Variants in MEI4 observed in about 807,000 individuals in gnomAD.
The protein encoded by MEI4 is meiotic double-stranded break formation protein 4, also known as meiosis-specific protein MEI4.
MEI4 carries 27 observed loss-of-function variants against 31.4 expected under a neutral mutation model. That is an observed-to-expected ratio of 0.86 (90% CI 0.63 to 1.19). The LOEUF is 1.19. Ranked by LOEUF, MEI4 falls within the 50% of genes most tolerant of loss-of-function variation. MEI4 has a pLI of 0.00. For synonymous variants in MEI4, 122 were observed against 145.4 expected, an observed-to-expected ratio of 0.84 and a Z score of 1.16; for missense variants, 329 against 398.9, an observed-to-expected ratio of 0.82 and a Z score of 1.49.
intron 4 of MEI4, among the ~76,000 whole-genome samples, chr6:77,884,531 T>G: frequency 6.6e-6 from 1 of 152,228 alleles, no homozygotes; most frequent in African/African-American, 2.4e-5. Context: ...GATTTTTATA[T>G]ATCATGAGAG....
At chr6:77,911,247 C>T (rs966177084) in intron 4 of MEI4, among the ~76,000 whole-genome samples, 2 of 152,102 alleles carry the variant, frequency 1.3e-5, no homozygotes, top group African/African-American at 4.8e-5. Context: ...GTTTCCTTTG[C>T]TATGCAGAAT....
intron 3 of MEI4, among the ~76,000 whole-genome samples, chr6:77,782,402 T>C (rs1032331229): frequency 6.6e-6 from 1 of 152,202 alleles, no homozygotes; most frequent in African/African-American, 2.4e-5. Flanking sequence ...GTTATTGTTA[T>C]ATAAAAAATT....
At chr6:77,802,841 G>T (rs898417085) in intron 3 of MEI4, among the ~76,000 whole-genome samples, 1 of 152,190 alleles carries the variant, frequency 6.6e-6, no homozygotes, top group African/African-American at 2.4e-5. Context: ...TGAGACATCA[G>T]CTGTTAGTCT....
intron 1 of MEI4, among the ~76,000 whole-genome samples, chr6:77,674,865 T>C (rs1768811940): frequency 6.6e-6 from 1 of 152,154 alleles, no homozygotes; most frequent in African/African-American, 2.4e-5. Flanking sequence ...TTCTTTATAC[T>C]TTGTCTACAT....
chr6:77,674,030 AAG>A (rs1768795905), intron 1 of MEI4, among the ~76,000 whole-genome samples: 2 of 152,206 alleles, frequency 1.3e-5, no homozygotes, highest in South Asian at 2.1e-4. Context: ...ATGTGGAAGA[AAG>A]AGAGTTCAGA....
At chr6:77,888,326 TC>T (rs1374766745) in intron 4 of MEI4, among the ~76,000 whole-genome samples, 4 of 125,042 alleles carry the variant, frequency 3.2e-5, no homozygotes, top group Non-Finnish European at 6.6e-5. Flanking sequence ...TTTTTGTATA[TC>T]CTTTTTCTTT....
At chr6:77,700,130 G>T (rs1240499011) in intron 2 of MEI4, among the ~76,000 whole-genome samples, 1 of 152,208 alleles carries the variant, frequency 6.6e-6, no homozygotes, top group Non-Finnish European at 1.5e-5. Context: ...GTTGTCAGCA[G>T]GGATATTTAA....
At chr6:77,883,159 G>A (rs1338047985) in intron 4 of MEI4, among the ~76,000 whole-genome samples, 1 of 151,986 alleles carries the variant, frequency 6.6e-6, no homozygotes, top group Non-Finnish European at 1.5e-5. Flanking sequence ...GATGAGAAGA[G>A]CTTTTTTAGT....
At chr6:77,742,059 G>A (rs1056506690) in intron 2 of MEI4, among the ~76,000 whole-genome samples, 1 of 151,914 alleles carries the variant, frequency 6.6e-6, no homozygotes, top group African/African-American at 2.4e-5. Context: ...TTGCTATTGT[G>A]AATAGTGCCA....
At chr6:77,787,195 T>C (rs1768760458) in intron 3 of MEI4, among the ~76,000 whole-genome samples, 1 of 152,174 alleles carries the variant, frequency 6.6e-6, no homozygotes, top group African/African-American at 2.4e-5. Context: ...TAAGCCATGT[T>C]CTTTAGCCGG....
At chr6:77,699,428 G>A (rs1188677612) in intron 2 of MEI4, among the ~76,000 whole-genome samples, 3 of 151,876 alleles carry the variant, frequency 2.0e-5, no homozygotes, top group Non-Finnish European at 2.9e-5. Context: ...TCCTGACCTC[G>A]TGATCCGCCC....
chr6:77,788,870 A>G (rs992599977), intron 3 of MEI4, among the ~76,000 whole-genome samples: 10 of 152,218 alleles, frequency 6.6e-5, no homozygotes, highest in Non-Finnish European at 1.5e-4. Flanking sequence ...ATCTAGCTAC[A>G]AGTGACTTTC....
chr6:77,802,938 C>G (rs1262158985), intron 3 of MEI4, among the ~76,000 whole-genome samples: 1 of 152,088 alleles, frequency 6.6e-6, no homozygotes, highest in South Asian at 2.1e-4. Context: ...GTGAATCTTA[C>G]AATTATGTGT....
intron 3 of MEI4, among the ~76,000 whole-genome samples, chr6:77,809,310 T>C (rs970974877): frequency 3.3e-5 from 5 of 152,150 alleles, no homozygotes; most frequent in African/African-American, 9.7e-5. Flanking sequence ...TTTAAGGAAG[T>C]CATTGTGACC....
intron 2 of MEI4, among the ~76,000 whole-genome samples, chr6:77,734,153 G>GCA (rs1767105223): frequency 6.6e-6 from 1 of 151,928 alleles, no homozygotes; most frequent in African/African-American, 2.4e-5. Context: ...TCCGCTTGGT[G>GCA]CAGAGCTGAG....
chr6:77,808,466 T>C (rs1239576893), intron 3 of MEI4, among the ~76,000 whole-genome samples: 1 of 152,054 alleles, frequency 6.6e-6, no homozygotes, highest in African/African-American at 2.4e-5. Flanking sequence ...AGACCCTCAA[T>C]GTCAAGAAGT....
intron 2 of MEI4, among the ~76,000 whole-genome samples, chr6:77,744,562 AGAACTTCCCC>A: frequency 6.6e-6 from 1 of 152,324 alleles, no homozygotes; most frequent in South Asian, 2.1e-4. Context: ...ATTATCCAGG[AGAACTTCCCC>A]AATCTAGCAA....
intron 2 of MEI4, among the ~76,000 whole-genome samples, chr6:77,737,395 T>G (rs1767279369): frequency 6.6e-6 from 1 of 152,086 alleles, no homozygotes; most frequent in African/African-American, 2.4e-5. Flanking sequence ...TTTAAAAGAT[T>G]TTTAGTTGTT....
intron 2 of MEI4, among the ~76,000 whole-genome samples, chr6:77,754,566 G>A (rs1308418654): frequency 2.0e-5 from 3 of 152,162 alleles, no homozygotes; most frequent in African/African-American, 4.8e-5. Context: ...CAGTTTCAAA[G>A]TTGCTTCCAC....
Sources: gnomAD v4.1 joint callset for allele counts (sites outside exome capture counted in the v4.1 genomes callset) on GRCh38, gnomAD v4.1.1 for gene constraint, MANE v1.5 for transcripts, NCBI Gene and HGNC (gene_info 2026-07-23, HGNC 2026-07-21) for gene names.